Variants in DTNBP1 observed in about 807,000 individuals in gnomAD.
DTNBP1 encodes dystrobrevin binding protein 1.
In DTNBP1, 35 loss-of-function variants were observed where a neutral mutation model predicts 42.8. The ratio of observed to expected loss-of-function variants is 0.82; its 90% CI spans 0.63 to 1.09. DTNBP1 has a LOEUF of 1.09. DTNBP1 is among the 50% of genes least tolerant of loss of function. DTNBP1 has a pLI of 0.00. For missense variants in DTNBP1, 457 were observed against 424.2 expected, an observed-to-expected ratio of 1.08 and a Z score of -0.68; for synonymous variants, 171 against 162.2, an observed-to-expected ratio of 1.05 and a Z score of -0.41.
chr6:15,532,697 C>CTTTTTTTTTTTTTTTTT (rs373480713), intron 8 of DTNBP1, among the ~76,000 whole-genome samples: 1 of 93,100 alleles, frequency 1.1e-5, no homozygotes, highest in Admixed American at 1.5e-4. Flanking sequence ...TGTTTGTAAT[C>CTTTTTTTTTTTTTTTTT]TTTTTTTTTT....
intron 3 of DTNBP1, among the ~76,000 whole-genome samples, chr6:15,645,105 C>T (rs1436655466): frequency 6.6e-6 from 1 of 151,958 alleles, no homozygotes; most frequent in Non-Finnish European, 1.5e-5. Context: ...GACATCATAA[C>T]TGACACCACA....
At chr6:15,524,737 T>C (rs1197823491) in intron 8 of DTNBP1, 68 bp from the exon 9 acceptor site, 19 of 1,587,280 alleles carry the variant, frequency 1.2e-5, no homozygotes, top group South Asian at 5.6e-5. Flanking sequence ...GAACTTCCAT[T>C]GGCATTAGGC....
intron 6 of DTNBP1, among the ~76,000 whole-genome samples, chr6:15,600,293 C>T (rs985565095): frequency 3.3e-5 from 5 of 152,238 alleles, no homozygotes; most frequent in South Asian, 2.1e-4. Context: ...GGCCCAGCAC[C>T]GCTACTTCCA....
In DTNBP1 at chr6:15,662,342, G is replaced by C. The variant is rs576490670; in HGVS notation, c.56+472C>G. ...GACGCGGCGCGGAAGGCTGTGGCCG[G>C]AGGGTGCAGGCTGCTGCGCGGTGCG... On this transcript the variant is annotated intron_variant, in intron 1 of 9. Transcript: ENST00000344537. Among the ~76,000 whole-genome samples, 224 of 152,340 alleles carry C rather than the reference G, an allele frequency of 1.5e-3. 1 individual carries two copies. The highest frequency in any genetic ancestry group is 1.7e-3 in the Non-Finnish European group (117 of 68,026).
intron 6 of DTNBP1, among the ~76,000 whole-genome samples, chr6:15,607,575 T>G (rs1464401229): frequency 6.6e-6 from 1 of 152,232 alleles, no homozygotes; most frequent in Non-Finnish European, 1.5e-5. Flanking sequence ...GTCCTGGGAT[T>G]ATAGGTGTGA....
chr6:15,627,619 G>C, intron 4 of DTNBP1, 144 bp from the exon 5 acceptor site: 1 of 1,283,110 alleles, frequency 7.8e-7, no homozygotes, highest in Non-Finnish European at 1.0e-6. Flanking sequence ...GACTGAAGTT[G>C]TTTTCATTTT....
In DTNBP1 at chr6:15,523,016, T is replaced by TGTCA; in HGVS notation, c.1011_1014dup (p.Arg339Ter). The TGTCA allele has an allele frequency of 6.8e-6, 11 of 1,614,222 alleles. No individual in the cohort carries two copies. The highest frequency in any genetic ancestry group is 7.6e-6 in the Non-Finnish European group (9 of 1,180,040). ...TCACCACCATCCGGAGTGGCCTCTC[T>TGTCA]GTCAGTGTGTGATGTGGCCAGGGCA... On this transcript the variant is annotated stop_gained and frameshift_variant, in exon 10 of 10. Transcript: ENST00000344537. LOFTEE classifies it high-confidence loss of function.
At chr6:15,647,050 A>C (rs1760724428) in intron 3 of DTNBP1, among the ~76,000 whole-genome samples, 1 of 152,058 alleles carries the variant, frequency 6.6e-6, no homozygotes, top group Admixed American at 6.6e-5. Flanking sequence ...AAAAGAAACA[A>C]CACAATAAAC....
chr6:15,546,039 T>A (rs1350678058), intron 7 of DTNBP1: 1 of 446,758 alleles, frequency 2.2e-6, no homozygotes, highest in African/African-American at 2.1e-5. Flanking sequence ...TGGCTGAATA[T>A]GGATCGGAAG....
intron 7 of DTNBP1, among the ~76,000 whole-genome samples, chr6:15,577,490 A>G (rs530010814): frequency 3.3e-5 from 5 of 152,344 alleles, no homozygotes; most frequent in African/African-American, 1.2e-4. Context: ...GATTTACTGA[A>G]GAACTGATGT....
intron 5 of DTNBP1, among the ~76,000 whole-genome samples, chr6:15,618,028 C>T (rs955001575): frequency 2.0e-5 from 3 of 152,124 alleles, no homozygotes; most frequent in African/African-American, 7.2e-5. Flanking sequence ...ACTGGGACTG[C>T]TGGCCATATG....
chr6:15,634,699 C>A (rs571218853), intron 4 of DTNBP1, among the ~76,000 whole-genome samples: 12 of 152,098 alleles, frequency 7.9e-5, no homozygotes, highest in Non-Finnish European at 1.6e-4. Context: ...TAATCAATAT[C>A]AATACATTTC....
chr6:15,635,038 A>G (rs1759928512), intron 4 of DTNBP1, among the ~76,000 whole-genome samples: 1 of 152,182 alleles, frequency 6.6e-6, no homozygotes, highest in African/African-American at 2.4e-5. Context: ...AACAGTTTGA[A>G]AAGTCTGCTG....
At chr6:15,584,682 T>C (rs4715987) in intron 7 of DTNBP1, among the ~76,000 whole-genome samples, 12,435 of 148,784 alleles carry the variant, frequency 0.084, 663 homozygotes, top group East Asian at 0.19. Context: ...ATAACCTTGA[T>C]AGATGAGAGA....
intron 5 of DTNBP1, among the ~76,000 whole-genome samples, chr6:15,625,929 C>T (rs1052988327): frequency 4.6e-5 from 7 of 152,214 alleles, no homozygotes; most frequent in Admixed American, 2.0e-4. Context: ...CCAATGCAGA[C>T]GGCAATCACA....
At chr6:15,550,024 G>T (rs1011208999) in intron 7 of DTNBP1, among the ~76,000 whole-genome samples, 1 of 152,168 alleles carries the variant, frequency 6.6e-6, no homozygotes, top group African/African-American at 2.4e-5. Flanking sequence ...AAAGGTGAGG[G>T]AACCTGACTA....
chr6:15,660,500 T>G, intron 1 of DTNBP1: 1 of 1,289,750 alleles, frequency 7.8e-7, no homozygotes. Context: ...GACAGTCCAG[T>G]GGTTTGTCAG....
At chr6:15,630,176 G>A (rs1317558293) in intron 4 of DTNBP1, among the ~76,000 whole-genome samples, 1 of 152,132 alleles carries the variant, frequency 6.6e-6, no homozygotes, top group Non-Finnish European at 1.5e-5. Context: ...TGTAGAATAG[G>A]ATCTTAGTAT....
chr6:15,550,856 C>T (rs573862694), intron 7 of DTNBP1, among the ~76,000 whole-genome samples: 9 of 152,282 alleles, frequency 5.9e-5, no homozygotes, highest in African/African-American at 2.2e-4. Context: ...GGAGAAGTTC[C>T]TGAGTCCACA....
Sources: allele counts gnomAD v4.1 joint callset (sites outside exome capture counted in the v4.1 genomes callset), GRCh38; gene constraint gnomAD v4.1.1; transcripts MANE v1.5; gene names NCBI Gene and HGNC (gene_info 2026-07-23, HGNC 2026-07-21).